Variants in EPG5 observed in about 807,000 individuals in gnomAD.
The protein encoded by EPG5 is ectopic P-granules 5 autophagy tethering factor.
EPG5 carries 159 observed loss-of-function variants against 302.7 expected under a neutral mutation model. The observed-to-expected ratio is 0.53, with a 90% CI of 0.46 to 0.60. The LOEUF is 0.60. Ranked by LOEUF, EPG5 falls within the 20% of genes least tolerant of loss-of-function variation. The pLI is 0.00. For missense variants in EPG5, 2,896 were observed against 3,092.4 expected, an observed-to-expected ratio of 0.94 and a Z score of 1.51; for synonymous variants, 1,158 against 1,136.8, an observed-to-expected ratio of 1.02 and a Z score of -0.37.
chr18:45,953,485 T>C, intron 2 of EPG5: 1 of 985,376 alleles, frequency 1.0e-6, no homozygotes, highest in Non-Finnish European at 1.2e-6. Flanking sequence ...GGATTAGGGA[T>C]AGGGGAATGA....
intron 43 of EPG5, among the ~76,000 whole-genome samples, chr18:45,854,570 T>C (rs2048476521): frequency 6.6e-6 from 1 of 152,166 alleles, no homozygotes; most frequent in South Asian, 2.1e-4. Flanking sequence ...AGGATAATAA[T>C]AGTTCCCAGC....
In EPG5 at chr18:45,952,585, A is replaced by T. The variant is rs1487152902; in HGVS notation, c.1067T>A (p.Met356Lys). 1 of 1,614,046 alleles carries T rather than the reference A, an allele frequency of 6.2e-7. No individual in the cohort carries two copies. The highest frequency in any genetic ancestry group is 1.7e-5 in the Admixed American group (1 of 60,006). Residue 356 changes from methionine to lysine, a missense_variant, in exon 3 of 44, where the codon ATG becomes AAG. Coordinates refer to ENST00000282041, the MANE Select transcript of EPG5 (RefSeq NM_020964.3). ...FSYHRYQRVEMNENALVELKK... is the reference protein window; with the variant it reads ...FSYHRYQRVEKNENALVELKK... ...TAGCTCCACCAGTGCATTTTCATTC[A>T]TTTCTACTCTTTGGTAGCGATGATA...
intron 10 of EPG5, among the ~76,000 whole-genome samples, chr18:45,937,235 TACACAC>T (rs57593059): frequency 0.024 from 3,253 of 136,768 alleles, 57 homozygotes; most frequent in African/African-American, 0.047. Context: ...TACATATATA[TACACAC>T]ACACACACAC....
chr18:45,917,665 TG>T lies in EPG5; in HGVS notation c.3239+13del. Reference sequence around the variant, plus strand: ...GTTTAAGAGTGTCTCCTGCCATAGATGGAACACACTTACTGCTCATTCTTCA... The same window carrying T: ...GTTTAAGAGTGTCTCCTGCCATAGATGAACACACTTACTGCTCATTCTTCA... On this transcript the variant is annotated intron_variant, in intron 17 of 43. Coordinates refer to ENST00000282041, the MANE Select transcript of EPG5 (RefSeq NM_020964.3). The T allele has an allele frequency of 6.2e-7, 1 of 1,613,816 alleles. No homozygotes were observed. The highest frequency in any genetic ancestry group is 8.5e-7 in the Non-Finnish European group (1 of 1,179,752).
intron 2 of EPG5, 121 bp from the exon 3 acceptor site, chr18:45,952,764 G>T: frequency 9.7e-7 from 1 of 1,026,472 alleles, no homozygotes; most frequent in Non-Finnish European, 1.4e-6. Flanking sequence ...TAATCATGGT[G>T]AGGAGACATA....
chr18:45,917,899 T>C, intron 16 of EPG5, 80 bp from the exon 17 acceptor site: 1 of 1,496,294 alleles, frequency 6.7e-7, no homozygotes, highest in Non-Finnish European at 9.1e-7. Context: ...TTATGAGCCT[T>C]CAATACCTTG....
chr18:45,828,364 C>A, the EPG5 span, among the ~76,000 whole-genome samples: 1 of 152,156 alleles, frequency 6.6e-6, no homozygotes, highest in Non-Finnish European at 1.5e-5. Context: ...CCCTAATCTC[C>A]CAGGGGCTCC....
At chr18:45,938,273 C>T (rs2050581490) in intron 10 of EPG5, among the ~76,000 whole-genome samples, 1 of 151,956 alleles carries the variant, frequency 6.6e-6, no homozygotes, top group African/African-American at 2.4e-5. Context: ...CCAACCTGGC[C>T]AACATGGTGA....
rs1022232445 is a variant in EPG5 at position 45,878,944 on chromosome 18, T to C, written c.5869+69A>G. The C allele has an allele frequency of 2.5e-6, 3 of 1,216,784 alleles. No individual in the cohort carries two copies. The Admixed American group carries it at 5.5e-5, about 22-fold the overall frequency. The allele number at this position is 1,216,784 out of a possible 1,614,324, so 75.4% of individuals were successfully genotyped here. On this transcript the variant is annotated intron_variant, in intron 33 of 43. Coordinates refer to ENST00000282041, the MANE Select transcript of EPG5 (RefSeq NM_020964.3). ...GACACTCAATATAAATCTCTTAATG[T>C]GCCTATTTAAATCTCTCTTAATGGA...
Position 45,871,307 on chromosome 18 carries a change from A to C in EPG5, c.6050-565T>G, listed in dbSNP as rs941635173. 2.0e-5 allele frequency among the ~76,000 whole-genome samples: 3 copies of C among 152,380 alleles called. No individual in the cohort carries two copies. The South Asian group carries it at 6.2e-4, about 32-fold the overall frequency. The stretch of plus-strand genomic sequence containing the variant: ...AGTGTTAGAGAGGATCTGGAGAGAA[A>C]GAAACTCTTAAACACTGTTGGGGGG... On this transcript the variant is annotated intron_variant, in intron 35 of 43. Coordinates refer to ENST00000282041, the MANE Select transcript of EPG5 (RefSeq NM_020964.3).
At chr18:45,840,820 C>T in the EPG5 span, 1 of 152,612 alleles carries the variant, frequency 6.6e-6, no homozygotes, top group Non-Finnish European at 1.5e-5. Context: ...CACCTGTGCC[C>T]TGAAGGCTGG....
chr18:45,804,927 C>T, the EPG5 span, among the ~76,000 whole-genome samples: 2 of 151,958 alleles, frequency 1.3e-5, no homozygotes, highest in Non-Finnish European at 2.9e-5. Context: ...GTAATCATAA[C>T]ACAAAGGAAT....
chr18:45,941,426 A>C (rs950403151), intron 9 of EPG5, among the ~76,000 whole-genome samples: 1 of 152,148 alleles, frequency 6.6e-6, no homozygotes, highest in Non-Finnish European at 1.5e-5. Flanking sequence ...AGGAAAAGCA[A>C]GTTCAAGTGA....
the EPG5 span, chr18:45,825,798 T>C: frequency 3.1e-6 from 5 of 1,613,992 alleles, no homozygotes; most frequent in African/African-American, 6.7e-5. Flanking sequence ...TCTGCTACTC[T>C]CTCTGGCCCA....
At chr18:45,913,038 A>C (rs1181232196) in intron 21 of EPG5, among the ~76,000 whole-genome samples, 1 of 151,420 alleles carries the variant, frequency 6.6e-6, no homozygotes, top group Non-Finnish European at 1.5e-5. Flanking sequence ...CAGTGAGCTG[A>C]GATTGTGCCA....
chr18:45,954,848 A>G lies in EPG5; in HGVS notation c.554T>C (p.Leu185Pro). Residue 185 changes from leucine to proline, a missense_variant, in exon 2 of 44, where the codon CTG becomes CCG. Leu to Pro is a moderately conservative substitution (Grantham distance 98, BLOSUM62 -3). Coordinates refer to ENST00000282041, the MANE Select transcript of EPG5 (RefSeq NM_020964.3). The part of the protein sequence containing the change: ...TQNSKEDKQG[L>P]VCSSEVPQNV... ...CTGTGGCACCTCTGAAGAACAAACC[A>G]GGCCTTGTTTGTCTTCTTTACTATT... is the stretch of plus-strand genomic sequence containing the variant. 1 of 1,614,222 alleles carries G rather than the reference A, an allele frequency of 6.2e-7. No individual in the cohort carries two copies. The highest frequency in any genetic ancestry group is 8.5e-7 in the Non-Finnish European group (1 of 1,180,028).
the EPG5 span, chr18:45,837,128 G>A: frequency 6.2e-7 from 1 of 1,610,560 alleles, no homozygotes; most frequent in Non-Finnish European, 8.5e-7. Context: ...GGGGATCTTG[G>A]GAGTCTGTTT....
chr18:45,967,286 C>T lies in EPG5; in HGVS notation c.-47G>A, dbSNP rs543040652. Reference sequence around the variant, plus strand: ...ACCGTTTGTTTTTGTCAAACCCCTGCGCTTCAAGCAACCTGCCCGGTTCTG... The same window carrying T: ...ACCGTTTGTTTTTGTCAAACCCCTGTGCTTCAAGCAACCTGCCCGGTTCTG... On this transcript the variant is annotated 5_prime_UTR_variant, in exon 1 of 44. Transcript: ENST00000282041. The T allele has an allele frequency of 1.3e-6, 2 of 1,518,560 alleles. No individual in the cohort carries two copies. The highest frequency in any genetic ancestry group is 1.8e-6 in the Non-Finnish European group (2 of 1,128,322). 94.1% of individuals were successfully genotyped at this position (1,518,560 alleles called of 1,614,324 possible).
At chr18:45,922,688 A>G (rs2050185834) in intron 15 of EPG5, 88 bp from the exon 16 acceptor site, 8 of 1,458,212 alleles carry the variant, frequency 5.5e-6, no homozygotes, top group African/African-American at 2.8e-5. Flanking sequence ...GTGACCAACA[A>G]TGCCCTCAAC....
Sources: gnomAD v4.1 joint callset for allele counts (sites outside exome capture counted in the v4.1 genomes callset) on GRCh38, gnomAD v4.1.1 for gene constraint, MANE v1.5 for transcripts, NCBI Gene and HGNC (gene_info 2026-07-23, HGNC 2026-07-21) for gene names.